The following IRGM variants were observed in gnomAD, a reference collection of about 807,000 sequenced individuals.
The protein encoded by IRGM is immunity related GTPase M.
For missense variants in IRGM, 288 were observed against 219.9 expected (o/e 1.31, Z -1.96); for synonymous variants, 98 against 80.6 (o/e 1.22, Z -1.16).
Position 150,848,512 on chromosome 5 carries a change from T to G in IRGM, c.389T>G (p.Leu130Arg). ...SAQFSMNHVM[L>R]AKTAEDMGKK... The stretch of plus-strand genomic sequence containing the variant: ...CAATTCAGCATGAATCATGTGATGC[T>G]TGCCAAAACCGCTGAGGACATGGGA... The change falls in exon 2 of 2, where the codon CTT becomes CGT. Residue 130 changes from leucine (L) to arginine (R), a missense_variant. Transcript: ENST00000522154. 1 of 1,551,830 alleles carries G rather than the reference T, an allele frequency of 6.4e-7. No homozygotes were observed. Among genetic ancestry groups the G allele is most frequent in the South Asian group, 1.2e-5 (1 of 84,058 alleles).
intron 1 of IRGM, among the ~76,000 whole-genome samples, chr5:150,871,845 G>A (rs866887274): frequency 4.6e-5 from 7 of 152,190 alleles, no homozygotes; most frequent in African/African-American, 7.2e-5. Flanking sequence ...TAATTCTCCC[G>A]GTTTGGAAAC....
At chr5:150,873,025 G>T (rs1439983377) in intron 1 of IRGM, among the ~76,000 whole-genome samples, 1 of 152,172 alleles carries the variant, frequency 6.6e-6, no homozygotes, top group Non-Finnish European at 1.5e-5. Context: ...AAATTTAAAT[G>T]CAATGGGAAT....
chr5:150,856,857 GTTAT>G (rs1486114501), intron 1 of IRGM, among the ~76,000 whole-genome samples: 1 of 145,988 alleles, frequency 6.8e-6, no homozygotes, highest in Non-Finnish European at 1.5e-5. Context: ...TTATTTTATT[GTTAT>G]TTATTAATTA....
intron 1 of IRGM, among the ~76,000 whole-genome samples, chr5:150,860,162 A>G (rs1385407647): frequency 6.6e-6 from 1 of 152,246 alleles, no homozygotes. Context: ...AATTTATACA[A>G]TGGCAATTTA....
intron 3 of IRGM, among the ~76,000 whole-genome samples, chr5:150,882,607 A>G (rs752926715): frequency 1.3e-5 from 2 of 152,192 alleles, no homozygotes; most frequent in Non-Finnish European, 2.9e-5. Context: ...TTTAAGTCAA[A>G]ACTTCAAAAA....
At chr5:150,879,850 A>G (rs1754419536) in intron 3 of IRGM, among the ~76,000 whole-genome samples, 1 of 152,206 alleles carries the variant, frequency 6.6e-6, no homozygotes, top group South Asian at 2.1e-4. Flanking sequence ...TCAGCTGAGT[A>G]CCAGATAAAA....
intron 3 of IRGM, chr5:150,894,600 T>C (rs1210386600): frequency 6.6e-6 from 1 of 152,266 alleles, no homozygotes; most frequent in Non-Finnish European, 1.5e-5. Flanking sequence ...AGTCTTAACA[T>C]CTAATGCTTC....
At chr5:150,863,555 AT>A (rs1188221293) in intron 1 of IRGM, among the ~76,000 whole-genome samples, 1 of 152,200 alleles carries the variant, frequency 6.6e-6, no homozygotes, top group Non-Finnish European at 1.5e-5. Context: ...TGAGGTTATA[AT>A]TTTTTAACAT....
At chr5:150,884,723 T>G (rs1754491329) in intron 3 of IRGM, among the ~76,000 whole-genome samples, 1 of 152,144 alleles carries the variant, frequency 6.6e-6, no homozygotes, top group African/African-American at 2.4e-5. Flanking sequence ...TGTCTTATTT[T>G]GAAGTGTCCA....
Position 150,848,280 on chromosome 5 carries a change from C to G in IRGM, c.157C>G (p.Leu53Val). 1 of 1,551,786 alleles carries G rather than the reference C, an allele frequency of 6.4e-7. No homozygotes were observed. Among genetic ancestry groups the G allele is most frequent in the South Asian group, 1.2e-5 (1 of 84,060 alleles). The stretch of plus-strand genomic sequence containing the variant: ...TGGGATGTCCACCTTCATCAGTGCC[C>G]TTCGAAACACAGGACATGAGGGTAA... ...GNGMSTFISA[L>V]RNTGHEGKAS... Residue 53 changes from leucine to valine, a missense_variant, in exon 2 of 2, where the codon CTT becomes GTT. Transcript: ENST00000522154.
chr5:150,859,359 G>A (rs1277751217), intron 1 of IRGM, among the ~76,000 whole-genome samples: 9 of 152,176 alleles, frequency 5.9e-5, no homozygotes, highest in African/African-American at 1.9e-4. Flanking sequence ...TTGCATCGAT[G>A]TTCATCAAGG....
chr5:150,889,277 A>T (rs1354788195), intron 3 of IRGM, among the ~76,000 whole-genome samples: 2 of 152,070 alleles, frequency 1.3e-5, no homozygotes, highest in Non-Finnish European at 2.9e-5. Flanking sequence ...AGGCCTCACA[A>T]TCATGGCAGA....
downstream of IRGM, among the ~76,000 whole-genome samples, chr5:150,850,697 G>A (rs538380594): frequency 4.9e-4 from 74 of 152,266 alleles, no homozygotes; most frequent in Admixed American, 1.2e-3. Context: ...AGGACCACAA[G>A]CACATACTTA....
chr5:150,883,101 G>T (rs1754469112), intron 3 of IRGM, among the ~76,000 whole-genome samples: 1 of 151,906 alleles, frequency 6.6e-6, no homozygotes, highest in African/African-American at 2.4e-5. Context: ...AAATTAAACA[G>T]CATGCTAACA....
intron 1 of IRGM, among the ~76,000 whole-genome samples, chr5:150,874,144 C>A (rs921494383): frequency 2.6e-5 from 4 of 152,204 alleles, no homozygotes; most frequent in African/African-American, 9.6e-5. Context: ...TAAGGCCCAC[C>A]AGAAGCAATT....
chr5:150,866,384 A>G (rs1353608017), intron 1 of IRGM, among the ~76,000 whole-genome samples: 3 of 152,198 alleles, frequency 2.0e-5, no homozygotes, highest in African/African-American at 7.2e-5. Flanking sequence ...GGCATACTCT[A>G]ATTCCAGATG....
At chr5:150,854,891 C>G (rs1754030053) in intron 1 of IRGM, among the ~76,000 whole-genome samples, 1 of 152,136 alleles carries the variant, frequency 6.6e-6, no homozygotes, top group Non-Finnish European at 1.5e-5. Context: ...CTGCCCCTTT[C>G]TTCTCTTTCT....
At chr5:150,875,743 G>A (rs112607026) in intron 1 of IRGM, among the ~76,000 whole-genome samples, 31 of 152,252 alleles carry the variant, frequency 2.0e-4, no homozygotes, top group African/African-American at 6.7e-4. Flanking sequence ...ACCTGGCTAC[G>A]GCCACTGCTG....
intron 3 of IRGM, among the ~76,000 whole-genome samples, chr5:150,882,376 A>G (rs1754458621): frequency 6.6e-6 from 1 of 152,210 alleles, no homozygotes; most frequent in East Asian, 1.9e-4. Context: ...TTACTTATCA[A>G]TAATTATCTT....
Sources: allele counts gnomAD v4.1 joint callset (sites outside exome capture counted in the v4.1 genomes callset), GRCh38; gene constraint gnomAD v4.1.1; transcripts MANE v1.5; gene names NCBI Gene and HGNC (gene_info 2026-07-23, HGNC 2026-07-21).